The following MUC4 variants were observed in gnomAD, a reference collection of about 807,000 sequenced individuals.
MUC4 encodes mucin-4.
In MUC4, 202 loss-of-function variants were observed where a neutral mutation model predicts 257.9. The observed-to-expected ratio is 0.78, with a 90% CI of 0.70 to 0.88. MUC4 has a LOEUF of 0.88. Among genes scored for constraint, MUC4 ranks in the 40% least tolerant of loss-of-function variants. The pLI is 0.00. For missense variants in MUC4, 5,976 were observed against 6,513.7 expected, an observed-to-expected ratio of 0.92 and a Z score of 2.84; for synonymous variants, 2,351 against 2,757.1, an observed-to-expected ratio of 0.85 and a Z score of 4.62.
chr3:195,794,936 CG>C (rs1447024431), intron 1 of MUC4, among the ~76,000 whole-genome samples: 1 of 152,230 alleles, frequency 6.6e-6, no homozygotes, highest in Non-Finnish European at 1.5e-5. Flanking sequence ...GACAAAGGCA[CG>C]GGCTGAACCG....
At chr3:195,796,174 T>C (rs1376506207) in intron 1 of MUC4, among the ~76,000 whole-genome samples, 2 of 152,090 alleles carry the variant, frequency 1.3e-5, no homozygotes, top group African/African-American at 4.8e-5. Context: ...AACCTCTGCC[T>C]CCCAGGTTCA....
intron 6 of MUC4, chr3:195,769,834 C>A: frequency 5.2e-6 from 1 of 193,010 alleles, no homozygotes; most frequent in Non-Finnish European, 1.0e-5. Context: ...TGGCGTGACT[C>A]TGAACGAGTT....
chr3:195,778,741 C>G, intron 2 of MUC4, 49 bp downstream of exon 2: 1 of 1,535,064 alleles, frequency 6.5e-7, no homozygotes, highest in Non-Finnish European at 8.8e-7. Flanking sequence ...GGCTGAATTC[C>G]GCCAAGGGGC....
intron 2 of MUC4, 68 bp from the exon 3 acceptor site, chr3:195,778,523 A>C: frequency 1.3e-6 from 2 of 1,580,904 alleles, no homozygotes; most frequent in Non-Finnish European, 1.7e-6. Flanking sequence ...AAAGAGATTC[A>C]AAGAAATCAG....
intron 8 of MUC4, 124 bp downstream of exon 8, chr3:195,766,539 G>C (rs190085271): frequency 3.6e-6 from 3 of 830,308 alleles, no homozygotes; most frequent in African/African-American, 1.7e-5. Flanking sequence ...TGAACTGTGT[G>C]GGGGAGGCCC....
intron 23 of MUC4, 87 bp downstream of exon 23, chr3:195,750,802 A>C: frequency 4.0e-6 from 5 of 1,260,366 alleles, no homozygotes; most frequent in Non-Finnish European, 5.6e-6. Flanking sequence ...GAAAAACTCA[A>C]TTAGCTTGTT....
At position 195,751,198 on chromosome 3, in the gene MUC4, CCCACTTACATTCGTT is replaced by C; in HGVS notation, c.15641_15647+8del. 6.3e-7 allele frequency: 1 copy of C among 1,594,970 alleles called. No homozygotes were observed. Among genetic ancestry groups the C allele is most frequent in the African/African-American group, 1.3e-5 (1 of 74,690 alleles). ...ATCTGGGGGCTTAGGGGGACACAGT[CCCACTTACATTCGTT>C]CCACTTGGCTGTTGCGGAGAAAGGC... On this transcript the variant is annotated splice_donor_variant and splice_donor_5th_base_variant and coding_sequence_variant and intron_variant, in exon 22 of 25. Transcript: ENST00000463781. LOFTEE classifies it high-confidence loss of function.
At chr3:195,751,698 C>A (rs1333231845) in intron 21 of MUC4, 2 of 263,744 alleles carry the variant, frequency 7.6e-6, no homozygotes, top group Non-Finnish European at 1.5e-5. Flanking sequence ...GCGCAGGTGA[C>A]AAATGTCAAC....
intron 1 of MUC4, among the ~76,000 whole-genome samples, chr3:195,794,919 C>T (rs988121476): frequency 6.6e-6 from 1 of 152,180 alleles, no homozygotes; most frequent in African/African-American, 2.4e-5. Context: ...ACTTGTAAAC[C>T]GACGTGGACA....
chr3:195,775,105 A>T (rs115474681), intron 3 of MUC4, among the ~76,000 whole-genome samples: 347 of 151,184 alleles, frequency 2.3e-3, no homozygotes, highest in African/African-American at 8.3e-3. Context: ...GCAGCTGCCG[A>T]CTCCTTGGCG....
Position 195,780,049 on chromosome 3 carries a change from G to T in MUC4, c.11531C>A (p.Thr3844Asn). ...STGHATPLPV[T>N]IPSSVSTGDT... Reference sequence around the variant, plus strand: ...ACCTGTGGATACTGAGGAAGGGATGGTGACAGGAAGAGGGGTGGCGTGACC... The same window carrying T: ...ACCTGTGGATACTGAGGAAGGGATGTTGACAGGAAGAGGGGTGGCGTGACC... Residue 3844 changes from threonine (T) to asparagine (N), a missense_variant, in exon 2 of 25, where the codon ACC becomes AAC. By Grantham distance (65) the Thr-to-Asn change is moderately conservative (BLOSUM62 0). Transcript: ENST00000463781. The T allele has an allele frequency of 6.7e-6, 5 of 741,528 alleles. 2 individuals carry two copies. Among genetic ancestry groups the T allele is most frequent in the Non-Finnish European group, 8.7e-6 (5 of 577,270 alleles). 45.9% of individuals were successfully genotyped at this position (741,528 alleles called of 1,614,324 possible). A position where few individuals can be genotyped will look rare whatever the true frequency, so the allele number is the denominator to read the frequency against.
At chr3:195,761,399 G>T in intron 15 of MUC4, 85 bp downstream of exon 15, 1 of 1,199,918 alleles carries the variant, frequency 8.3e-7, no homozygotes, top group Non-Finnish European at 1.2e-6. Flanking sequence ...ATGGAGGTCT[G>T]CTTCCTACAG....
chr3:195,766,779 T>C (rs1720595177), intron 7 of MUC4, 28 bp from the exon 8 acceptor site: 1 of 1,604,366 alleles, frequency 6.2e-7, no homozygotes, highest in African/African-American at 1.3e-5. Flanking sequence ...CTCTCAGGCC[T>C]CTGCCGTGCA....
intron 1 of MUC4, among the ~76,000 whole-genome samples, chr3:195,799,290 T>C (rs1467729136): frequency 6.6e-6 from 1 of 151,892 alleles, no homozygotes; most frequent in African/African-American, 2.4e-5. Flanking sequence ...CCTGCCCTTA[T>C]GGAACATTGG....
chr3:195,751,150 TG>T (rs774193667), intron 22 of MUC4, 38 bp from the exon 23 acceptor site: 3 of 526,650 alleles, frequency 5.7e-6, no homozygotes, highest in Non-Finnish European at 8.2e-6. Context: ...GGTGGGGGGC[TG>T]GGGGTGGGGG....
intron 18 of MUC4, among the ~76,000 whole-genome samples, chr3:195,756,913 A>G (rs552551134): frequency 6.6e-6 from 1 of 152,226 alleles, no homozygotes; most frequent in Non-Finnish European, 1.5e-5. Flanking sequence ...CGCTTGCCTC[A>G]GCCTCCAAAA....
At position 195,810,559 on chromosome 3, in the gene MUC4, T is replaced by C. The variant is rs1452821460; in HGVS notation, c.82+1177A>G. Among the ~76,000 whole-genome samples the C allele has an allele frequency of 6.6e-6, 1 of 152,160 alleles. No homozygotes were observed. Among genetic ancestry groups the C allele is most frequent in the African/African-American group, 2.4e-5 (1 of 41,494 alleles). On this transcript the variant is annotated intron_variant, in intron 1 of 24. Coordinates refer to ENST00000463781, the MANE Select transcript of MUC4 (RefSeq NM_018406.7). The surrounding 1 kb of genome is among the most constrained non-coding windows in gnomAD (Gnocchi z 4.2). Reference sequence around the variant, plus strand: ...TGTACACGGAGGAGCCCAAGGCCAATGCCGGGGCTACGAGCCCCAGGCAAG... The same window carrying C: ...TGTACACGGAGGAGCCCAAGGCCAACGCCGGGGCTACGAGCCCCAGGCAAG...
intron 19 of MUC4, 150 bp downstream of exon 19, chr3:195,754,041 TACCTGCCTAGATGATTTCCCAC>T: frequency 4.5e-6 from 4 of 881,768 alleles, no homozygotes; most frequent in South Asian, 1.9e-5. Context: ...AGATTTCCCA[TACCTGCCTAGATGATTTCCCAC>T]ACCTGCCTAG....
rs1553861295 is a variant in MUC4, at chr3:195,767,898, T to TCGC, written c.13529+1123_13529+1124insGCG. Among the ~76,000 whole-genome samples, 56 of 75,140 alleles carry TCGC rather than the reference T, an allele frequency of 7.5e-4. 2 individuals carry two copies. Among genetic ancestry groups the TCGC allele is most frequent in the African/African-American group, 5.7e-3 (54 of 9,398 alleles). 49.3% of individuals were successfully genotyped at this position (75,140 alleles called of 152,430 possible). A position where few individuals can be genotyped will look rare whatever the true frequency, so the allele number is the denominator to read the frequency against. ...ACCATCACCACCATCACCACCACCATCACCACCATCACCATCGCCACTGCC... is the reference window on the plus strand; with the variant it reads ...ACCATCACCACCATCACCACCACCATCGCCACCACCATCACCATCGCCACTGCC... On this transcript the variant is annotated intron_variant, in intron 7 of 24. Transcript: ENST00000463781.
Sources: gnomAD v4.1 joint callset for allele counts (sites outside exome capture counted in the v4.1 genomes callset) on GRCh38, gnomAD v4.1.1 for gene constraint, Gnocchi (gnomAD v3.1) non-coding constraint, MANE v1.5 for transcripts, NCBI Gene and HGNC (gene_info 2026-07-23, HGNC 2026-07-21) for gene names.